The following SIMC1 variants were observed in gnomAD, a reference collection of about 807,000 sequenced individuals.
SIMC1 encodes the protein SUMO interacting motifs containing 1.
SIMC1 carries 55 observed loss-of-function variants against 82.3 expected under a neutral mutation model. The ratio of observed to expected loss-of-function variants is 0.67; its 90% confidence interval spans 0.54 to 0.84. The LOEUF is 0.84. Ranked by LOEUF, SIMC1 falls within the 40% of genes least tolerant of loss-of-function variation. The pLI, the probability that SIMC1 is intolerant of heterozygous loss-of-function variation, is 0.00. For missense variants in SIMC1, 915 were observed against 1,107.2 expected (o/e 0.83, Z 2.46); for synonymous variants, 353 against 426.3 (o/e 0.83, Z 2.12).
intron 1 of SIMC1, among the ~76,000 whole-genome samples, chr5:176,276,061 T>C (rs1762677680): frequency 6.6e-6 from 1 of 151,718 alleles, no homozygotes; most frequent in Non-Finnish European, 1.5e-5. Context: ...CAGTTCCTCC[T>C]TGTACCTCTG....
chr5:176,329,980 G>T (rs560465907), intron 7 of SIMC1, among the ~76,000 whole-genome samples: 7 of 152,114 alleles, frequency 4.6e-5, no homozygotes, highest in Admixed American at 4.6e-4. Flanking sequence ...ATACACATAC[G>T]TCTGTGTGTA....
At chr5:176,274,376 C>T (rs1171465738) in intron 1 of SIMC1, among the ~76,000 whole-genome samples, 67 of 150,076 alleles carry the variant, frequency 4.5e-4, no homozygotes, top group East Asian at 9.7e-4. Context: ...TGTAAATTTG[C>T]TTGAGTTCAT....
At chr5:176,300,590 AG>A in intron 4 of SIMC1, among the ~76,000 whole-genome samples, 1 of 151,968 alleles carries the variant, frequency 6.6e-6, no homozygotes, top group Admixed American at 6.6e-5. Flanking sequence ...CCAGAGTACT[AG>A]GATTACAGAC....
intron 1 of SIMC1, among the ~76,000 whole-genome samples, chr5:176,288,827 A>T (rs907888168): frequency 9.9e-5 from 15 of 152,230 alleles, no homozygotes; most frequent in African/African-American, 3.4e-4. Context: ...AGAAGACAGA[A>T]GGTAGAGCAA....
intron 7 of SIMC1, among the ~76,000 whole-genome samples, chr5:176,333,072 G>A (rs1765733957): frequency 6.6e-6 from 1 of 152,202 alleles, no homozygotes; most frequent in Admixed American, 6.5e-5. Context: ...GGGAGGCCAA[G>A]GTGGGCAGAT....
At chr5:176,333,295 G>A (rs1765745508) in intron 7 of SIMC1, among the ~76,000 whole-genome samples, 1 of 151,862 alleles carries the variant, frequency 6.6e-6, no homozygotes. Context: ...CAGAGCAAGA[G>A]TCCATCTCAA....
chr5:176,265,433 G>A (rs910675084), intron 1 of SIMC1, among the ~76,000 whole-genome samples: 9 of 152,206 alleles, frequency 5.9e-5, no homozygotes, highest in African/African-American at 1.9e-4. Flanking sequence ...ACCATAAGTG[G>A]GTGATAAGCC....
intron 1 of SIMC1, among the ~76,000 whole-genome samples, chr5:176,279,228 T>G (rs1183083010): frequency 2.0e-5 from 3 of 152,208 alleles, no homozygotes; most frequent in Non-Finnish European, 2.9e-5. Flanking sequence ...ATTTTCTAGT[T>G]TATTTGCGTA....
intron 1 of SIMC1, among the ~76,000 whole-genome samples, chr5:176,244,719 C>CTTTT (rs1177032281): frequency 3.5e-5 from 4 of 114,496 alleles, no homozygotes; most frequent in Admixed American, 3.0e-4. Flanking sequence ...TTTTTTTTTC[C>CTTTT]TTTTTTTTTT....
chr5:176,246,323 T>G (rs569654444), intron 1 of SIMC1, among the ~76,000 whole-genome samples: 2 of 152,176 alleles, frequency 1.3e-5, no homozygotes, highest in African/African-American at 4.8e-5. Flanking sequence ...TGACTCCATT[T>G]TGATACTGAC....
At chr5:176,264,883 A>G (rs998579115) in intron 1 of SIMC1, among the ~76,000 whole-genome samples, 1 of 152,192 alleles carries the variant, frequency 6.6e-6, no homozygotes, top group Non-Finnish European at 1.5e-5. Context: ...AAGAAAAGGA[A>G]ATAGGCCAGG....
At chr5:176,291,330 A>ATTT (rs70991527) in intron 2 of SIMC1, among the ~76,000 whole-genome samples, 3 of 71,610 alleles carry the variant, frequency 4.2e-5, no homozygotes, top group Non-Finnish European at 7.9e-5. Context: ...TGCCCGGCTA[A>ATTT]TTTTTTTTTT....
chr5:176,265,987 C>G (rs529275256), intron 1 of SIMC1, among the ~76,000 whole-genome samples: 1 of 152,228 alleles, frequency 6.6e-6, no homozygotes, highest in Non-Finnish European at 1.5e-5. Flanking sequence ...TTAGTATGTA[C>G]AGTGTGCTAT....
chr5:176,252,122 C>T (rs1372708350), intron 1 of SIMC1, among the ~76,000 whole-genome samples: 12 of 152,188 alleles, frequency 7.9e-5, no homozygotes, highest in African/African-American at 4.8e-5. Context: ...GGGTGGTGGC[C>T]GGGCAGAGGG....
At chr5:176,339,377 G>A (rs369955274) in intron 9 of SIMC1, among the ~76,000 whole-genome samples, 10 of 152,110 alleles carry the variant, frequency 6.6e-5, no homozygotes, top group African/African-American at 2.4e-4. Context: ...AAAAATAAAA[G>A]AGTATGTTGT....
chr5:176,268,426 A>G (rs1762288787), intron 1 of SIMC1, among the ~76,000 whole-genome samples: 1 of 129,462 alleles, frequency 7.7e-6, no homozygotes, highest in Admixed American at 8.5e-5. Flanking sequence ...TGTACTGTCT[A>G]TATGAGAGAC....
chr5:176,310,941 TA>T (rs1214862128), intron 4 of SIMC1, among the ~76,000 whole-genome samples: 1 of 151,852 alleles, frequency 6.6e-6, no homozygotes, highest in African/African-American at 2.4e-5. Context: ...GGGCAGACGT[TA>T]AAAAAAATAA....
chr5:176,285,338 G>C (rs367763580), intron 1 of SIMC1, among the ~76,000 whole-genome samples: 23 of 152,044 alleles, frequency 1.5e-4, no homozygotes, highest in African/African-American at 4.1e-4. Context: ...TCAATATACA[G>C]AAATCAATAA....
rs150177738 is a variant in SIMC1 at position 176,290,866 on chromosome 5, C to A, written c.1342C>A (p.Pro448Thr). The A allele has an allele frequency of 1.9e-6, 3 of 1,613,346 alleles. No individual in the cohort carries two copies. Among genetic ancestry groups the A allele is most frequent in the Admixed American group, 3.3e-5 (2 of 59,960 alleles). Residue 448 changes from proline (P) to threonine (T), a missense_variant, in exon 2 of 10, where the codon CCA becomes ACA. By Grantham distance (38) the Pro-to-Thr change is conservative. Coordinates refer to ENST00000429602, the MANE Select transcript of SIMC1 (RefSeq NM_001308195.2). ...RTPQGGLYNR[P>T]CLHRLKYFLR... ...ACCACAAGGTGGGTTGTACAACAGACCATGCCTGCATAGACTGAAGTACTT... is the reference window on the plus strand; with the variant it reads ...ACCACAAGGTGGGTTGTACAACAGAACATGCCTGCATAGACTGAAGTACTT...
Sources: gnomAD v4.1 joint callset for allele counts (sites outside exome capture counted in the v4.1 genomes callset) on GRCh38, gnomAD v4.1.1 for gene constraint, MANE v1.5 for transcripts, NCBI Gene and HGNC (gene_info 2026-07-23, HGNC 2026-07-21) for gene names.